Variants in HDGFL2 observed in about 807,000 individuals in gnomAD.
The protein encoded by HDGFL2 is HDGF like 2.
HDGFL2 carries 36 observed loss-of-function variants against 77.1 expected under a neutral mutation model. The observed-to-expected ratio is 0.47, with a 90% CI of 0.36 to 0.62. The LOEUF is 0.62. Ranked by LOEUF, HDGFL2 falls within the 20% of genes least tolerant of loss-of-function variation. The pLI is 0.00. For synonymous variants in HDGFL2, 463 were observed against 413.1 expected (o/e 1.12, Z -1.46); for missense variants, 976 against 973.4 (o/e 1.00, Z -0.04).
intron 3 of HDGFL2, among the ~76,000 whole-genome samples, chr19:4,476,672 C>G (rs1246399149): frequency 6.7e-6 from 1 of 149,596 alleles, no homozygotes; most frequent in Non-Finnish European, 1.5e-5. Context: ...AAAAAAACAC[C>G]AAGAATCAGA....
At chr19:4,491,246 A>ACCCC (rs1568211718) in intron 4 of HDGFL2, among the ~76,000 whole-genome samples, 5 of 27,222 alleles carry the variant, frequency 1.8e-4, no homozygotes, top group Admixed American at 3.6e-4. Context: ...ACTCACTCCC[A>ACCCC]CCACCCACCC....
chr19:4,499,634 G>C lies in HDGFL2; in HGVS notation c.1719G>C (p.Glu573Asp), dbSNP rs1339815201. 2 of 1,590,528 alleles carry C rather than the reference G, an allele frequency of 1.3e-6. No individual in the cohort carries two copies. The highest frequency in any genetic ancestry group is 2.3e-5 in the South Asian group (2 of 88,450). The change falls in exon 14 of 16, where the codon GAG (glutamate) becomes GAC (aspartate). Residue 573 changes from glutamate to aspartate, a missense_variant. Transcript: ENST00000616600. ...KAGMEKEKAE[E>D]KLAGEELAGE... ...GGATGGAGAAGGAGAAGGCCGAGGA[G>C]AAGCTGGCCGGGGAGGAGCTGGCCG... is the stretch of plus-strand genomic sequence containing the variant.
intron 1 of HDGFL2, chr19:4,475,005 A>T: frequency 4.5e-6 from 2 of 447,534 alleles, no homozygotes; most frequent in Non-Finnish European, 8.1e-6. Flanking sequence ...TGGTTGCTTC[A>T]GAGGGCCGGA....
chr19:4,499,174 C>G (rs757906440), intron 13 of HDGFL2, among the ~76,000 whole-genome samples: 2 of 152,096 alleles, frequency 1.3e-5, no homozygotes, highest in Non-Finnish European at 2.9e-5. Flanking sequence ...GGTGAAACCC[C>G]ATCTCTACTA....
intron 2 of HDGFL2, 46 bp downstream of exon 2, chr19:4,475,397 C>T (rs753640764): frequency 1.5e-5 from 24 of 1,613,918 alleles, no homozygotes; most frequent in Non-Finnish European, 1.9e-5. Context: ...TGGTGCCTCC[C>T]GGGGTGGCCT....
intron 3 of HDGFL2, 123 bp from the exon 4 acceptor site, chr19:4,488,553 A>T: frequency 1.2e-6 from 1 of 869,314 alleles, no homozygotes; most frequent in Non-Finnish European, 1.7e-6. Flanking sequence ...TTGTAAAGCC[A>T]GGAGACAACA....
intron 3 of HDGFL2, among the ~76,000 whole-genome samples, chr19:4,481,752 C>T (rs1975223618): frequency 6.6e-6 from 1 of 152,102 alleles, no homozygotes; most frequent in African/African-American, 2.4e-5. Context: ...CCACCGTGCC[C>T]GGCCCTCAGT....
At chr19:4,487,347 C>T (rs1975389153) in intron 3 of HDGFL2, among the ~76,000 whole-genome samples, 2 of 152,166 alleles carry the variant, frequency 1.3e-5, no homozygotes, top group South Asian at 4.2e-4. Flanking sequence ...ACCTCTGCCT[C>T]CTAGGCTCAA....
intron 3 of HDGFL2, among the ~76,000 whole-genome samples, chr19:4,483,241 T>G (rs1225591684): frequency 6.6e-6 from 1 of 152,158 alleles, no homozygotes; most frequent in Non-Finnish European, 1.5e-5. Flanking sequence ...GCGGTGACGC[T>G]TCACCACACC....
chr19:4,489,305 G>A (rs565259875), intron 4 of HDGFL2, among the ~76,000 whole-genome samples: 9 of 150,832 alleles, frequency 6.0e-5, no homozygotes, highest in African/African-American at 2.2e-4. Flanking sequence ...CCAGGCGGGA[G>A]TGCAGTGGCA....
chr19:4,500,740 C>T (rs1010482839), intron 14 of HDGFL2, among the ~76,000 whole-genome samples: 2 of 152,158 alleles, frequency 1.3e-5, no homozygotes, highest in East Asian at 1.9e-4. Context: ...GGATTACAGG[C>T]GTGAGCCACT....
At chr19:4,491,453 C>A in intron 4 of HDGFL2, 113 bp from the exon 5 acceptor site, 2 of 838,410 alleles carry the variant, frequency 2.4e-6, no homozygotes, top group East Asian at 2.5e-5. Flanking sequence ...GTTCCTGGCC[C>A]GCCAGAGAGG....
intron 15 of HDGFL2, 55 bp from the exon 16 acceptor site, chr19:4,501,856 C>A: frequency 7.6e-7 from 1 of 1,318,810 alleles, no homozygotes; most frequent in Non-Finnish European, 1.0e-6. Flanking sequence ...AACCGCCCTA[C>A]AGGCAGGGCA....
Position 4,494,201 on chromosome 19 carries a change from A to T in HDGFL2, c.950A>T (p.Lys317Met), listed in dbSNP as rs1189073518. ...SDEVDRISEW[K>M]RRDEARRREL... ...GAGGTGGACCGCATCAGTGAGTGGA[A>T]GCGGCGGGACGAGGCGCGGAGGCGC... Residue 317 changes from lysine to methionine, a missense_variant, in exon 9 of 16, where the codon AAG becomes ATG. This residue lies in a region of HDGFL2 where 567 missense variants were observed against 534.7 expected (regional missense o/e 1.06). Coordinates refer to ENST00000616600, the MANE Select transcript of HDGFL2 (RefSeq NM_001001520.3). 3 of 1,480,022 alleles carry T rather than the reference A, an allele frequency of 2.0e-6. No individual in the cohort carries two copies. The highest frequency in any genetic ancestry group is 2.7e-6 in the Non-Finnish European group (3 of 1,118,692). 91.7% of individuals were successfully genotyped at this position (1,480,022 alleles called of 1,614,324 possible).
chr19:4,495,318 G>A (rs1975672105), intron 9 of HDGFL2, among the ~76,000 whole-genome samples: 1 of 144,718 alleles, frequency 6.9e-6, no homozygotes, highest in South Asian at 2.2e-4. Context: ...AACCTGGGAG[G>A]CAGAGGTTGC....
chr19:4,477,048 C>A (rs1975091167), intron 3 of HDGFL2, among the ~76,000 whole-genome samples: 1 of 152,148 alleles, frequency 6.6e-6, no homozygotes. Flanking sequence ...GGGGCCCAGC[C>A]TTTGGCTTTT....
Position 4,491,784 on chromosome 19 carries a change from A to G in HDGFL2, c.627A>G (p.Lys209=). ...CCCAGGACTTCACACCTGAGAAGAA[A>G]GCAGCGGTCCGGGCGCCACGGAGGG... The part of the protein sequence containing the change: ...TSDQDFTPEK[K]AAVRAPRRGP... The change falls in exon 6 of 16, where the codon AAA becomes AAG. Residue 209 remains lysine, a synonymous_variant. Transcript: ENST00000616600. 6.2e-7 allele frequency: 1 copy of G among 1,614,070 alleles called. No individual in the cohort carries two copies. The highest frequency in any genetic ancestry group is 1.1e-5 in the South Asian group (1 of 91,090).
Position 4,494,215 on chromosome 19 carries a change from G to A in HDGFL2, c.964G>A (p.Ala322Thr). Reference protein sequence around the residue: ...RISEWKRRDEARRRELEARRR... With the variant: ...RISEWKRRDETRRRELEARRR... ...CAGTGAGTGGAAGCGGCGGGACGAG[G>A]CGCGGAGGCGCGAGCTGGAGGCCCG... The change falls in exon 9 of 16, where the codon GCG (alanine) becomes ACG (threonine). Residue 322 changes from alanine (A) to threonine (T), a missense_variant. Ala to Thr is a moderately conservative substitution (Grantham distance 58, BLOSUM62 0). Transcript: ENST00000616600. 6.8e-7 allele frequency: 1 copy of A among 1,466,484 alleles called. No homozygotes were observed. Among genetic ancestry groups the A allele is most frequent in the South Asian group, 1.4e-5 (1 of 72,102 alleles). 90.8% of individuals were successfully genotyped at this position (1,466,484 alleles called of 1,614,324 possible). A position where few individuals can be genotyped will look rare whatever the true frequency, so the allele number is the denominator to read the frequency against.
At chr19:4,482,324 C>G (rs1159723770) in intron 3 of HDGFL2, among the ~76,000 whole-genome samples, 1 of 151,982 alleles carries the variant, frequency 6.6e-6, no homozygotes, top group Non-Finnish European at 1.5e-5. Context: ...ATTCTCCTGT[C>G]TCAGCCTCCC....
Sources: gnomAD v4.1 joint callset for allele counts (sites outside exome capture counted in the v4.1 genomes callset) on GRCh38, gnomAD v4.1.1 for gene constraint, gnomAD v4.1.1 regional missense constraint, MANE v1.5 for transcripts, NCBI Gene and HGNC (gene_info 2026-07-23, HGNC 2026-07-21) for gene names.